ACP2: variants seen among roughly 807,000 people sequenced by gnomAD.
ACP2 encodes lysosomal acid phosphatase.
Under a neutral mutation model 54.7 loss-of-function variants are expected in ACP2, and 35 were observed. The observed-to-expected ratio is 0.64, with a 90% CI of 0.49 to 0.85. The LOEUF is 0.85. Ranked by LOEUF, ACP2 falls within the 40% of genes least tolerant of loss-of-function variation. The pLI, the probability that ACP2 is intolerant of heterozygous loss-of-function variation, is 0.00. For synonymous variants in ACP2, 210 were observed against 224.4 expected, an observed-to-expected ratio of 0.94 and a Z score of 0.57; for missense variants, 492 against 565.0, an observed-to-expected ratio of 0.87 and a Z score of 1.31.
intron 1 of ACP2, 149 bp from the exon 2 acceptor site, chr11:47,248,282 C>T (rs1453616620): frequency 1.7e-4 from 180 of 1,029,154 alleles, no homozygotes; most frequent in Non-Finnish European, 2.3e-4. Flanking sequence ...GAGTCAGTCA[C>T]TTCTTCCAGA....
At chr11:47,240,606 G>A (rs1273793684) in intron 10 of ACP2, among the ~76,000 whole-genome samples, 7 of 152,142 alleles carry the variant, frequency 4.6e-5, no homozygotes, top group African/African-American at 1.7e-4. Flanking sequence ...GATCACCTGA[G>A]GTCAAGAGTT....
At chr11:47,240,299 G>A (rs748958898) in intron 10 of ACP2, 50 bp from the exon 11 acceptor site, 7 of 918,038 alleles carry the variant, frequency 7.6e-6, no homozygotes, top group East Asian at 2.4e-5. Flanking sequence ...TCCATCATAT[G>A]CCAGCTACTG....
rs1439017105 is a variant in ACP2, at chr11:47,240,062, C to T, written c.*54G>A. ...GCTGGGGAGCAGCAACAGTCAGGAG[C>T]GAGGGCCCAGCCCACCTCCCCTAGG... On this transcript the variant is annotated 3_prime_UTR_variant, in exon 11 of 11. Coordinates refer to ENST00000672073, the MANE Select transcript of ACP2 (RefSeq NM_001610.4). 3.2e-6 allele frequency: 5 copies of T among 1,565,482 alleles called. No homozygotes were observed. Among genetic ancestry groups the T allele is most frequent in the South Asian group, 2.4e-5 (2 of 84,308 alleles).
Position 47,242,908 on chromosome 11 carries a change from G to A in ACP2, c.963-10C>T, listed in dbSNP as rs370368031. On this transcript the variant is annotated splice_polypyrimidine_tract_variant and intron_variant, in intron 9 of 10. Transcript: ENST00000672073. The stretch of plus-strand genomic sequence containing the variant: ...CTCCACTGAGAAATTCCTGAGGGTC[G>A]ACAGGAGGCAACATGGGAGCTGCTC... 3.0e-5 allele frequency: 48 copies of A among 1,609,294 alleles called. No homozygotes were observed. The highest frequency in any genetic ancestry group is 2.3e-4 in the African/African-American group (17 of 74,982).
intron 6 of ACP2, 135 bp from the exon 7 acceptor site, chr11:47,245,002 G>T: frequency 7.0e-7 from 1 of 1,437,354 alleles, no homozygotes; most frequent in Non-Finnish European, 9.2e-7. Flanking sequence ...GCTGGAACCA[G>T]TAGACATGGC....
intron 10 of ACP2, 143 bp from the exon 11 acceptor site, chr11:47,240,392 A>G (rs1953841467): frequency 3.4e-6 from 2 of 588,382 alleles, no homozygotes; most frequent in Non-Finnish European, 6.2e-6. Flanking sequence ...GAGGGGATGT[A>G]ATAAATAAGC....
In ACP2 at chr11:47,245,489, C is replaced by T. The variant is rs1256600737; in HGVS notation, c.534G>A (p.Glu178=). The T allele has an allele frequency of 2.5e-6, 4 of 1,614,260 alleles. No homozygotes were observed. The South Asian group carries it at 4.4e-5, about 18-fold the overall frequency. The change falls in exon 5 of 11, where the codon GAG becomes GAA. Residue 178 remains glutamate (E), a synonymous_variant. Coordinates refer to ENST00000672073, the MANE Select transcript of ACP2 (RefSeq NM_001610.4). The part of the protein sequence containing the change: ...ETRQTPEYQN[E]SSRNAQFLDM... Reference sequence around the variant, plus strand: ...CCCCACTCACTGCATTCCGAGAACTCTCATTCTGATACTCTGGTGTCTGCC... The same window carrying T: ...CCCCACTCACTGCATTCCGAGAACTTTCATTCTGATACTCTGGTGTCTGCC...
At position 47,247,641 on chromosome 11, in the gene ACP2, C is replaced by T. The variant is rs1197613371; in HGVS notation, c.297G>A (p.Glu99=). 2 of 1,614,124 alleles carry T rather than the reference C, an allele frequency of 1.2e-6. No individual in the cohort carries two copies. The highest frequency in any genetic ancestry group is 1.3e-5 in the African/African-American group (1 of 74,940). The part of the protein sequence containing the change: ...GFLNTSYHRQ[E]VYVRSTDFDR... Reference sequence around the variant, plus strand: ...TTGCCTCTGGAGCTCCCAACCTTACCTCTTGCCGGTGATAAGAGGTGTTTA... The same window carrying T: ...TTGCCTCTGGAGCTCCCAACCTTACTTCTTGCCGGTGATAAGAGGTGTTTA... Residue 99 remains glutamate, a splice_region_variant and synonymous_variant, in exon 3 of 11, where the codon GAG becomes GAA. Transcript: ENST00000672073.
chr11:47,244,672 C>G, intron 7 of ACP2, 63 bp downstream of exon 7: 2 of 1,356,766 alleles, frequency 1.5e-6, no homozygotes, highest in Middle Eastern at 1.9e-4. Context: ...GAAGCCCCCA[C>G]AGCAGATTTT....
chr11:47,243,445 G>C, intron 7 of ACP2, 124 bp from the exon 8 acceptor site: 1 of 716,010 alleles, frequency 1.4e-6, no homozygotes, highest in Non-Finnish European at 2.3e-6. Context: ...GAACTCTTTA[G>C]TGTCATAGGG....
At chr11:47,244,534 T>A (rs1953982826) in intron 7 of ACP2, among the ~76,000 whole-genome samples, 2 of 152,028 alleles carry the variant, frequency 1.3e-5, no homozygotes, top group African/African-American at 4.8e-5. Flanking sequence ...AAAATAACAA[T>A]TTTTTTAAAA....
At chr11:47,248,184 G>C in intron 1 of ACP2, 51 bp from the exon 2 acceptor site, 1 of 1,500,540 alleles carries the variant, frequency 6.7e-7, no homozygotes. Flanking sequence ...CCCTTGATAG[G>C]GACCCAGAGC....
chr11:47,247,653 A>G lies in ACP2; in HGVS notation c.285T>C (p.Tyr95=), dbSNP rs1954221412. The change falls in exon 3 of 11, where the codon TAT becomes TAC. Residue 95 remains tyrosine (Y), a synonymous_variant. Coordinates refer to ENST00000672073, the MANE Select transcript of ACP2 (RefSeq NM_001610.4). ...CTCCCAACCTTACCTCTTGCCGGTG[A>G]TAAGAGGTGTTTAGGAAGCCGTGAT... ...QRYHGFLNTS[Y]HRQEVYVRST... is the part of the protein sequence containing the mutation. The G allele has an allele frequency of 6.2e-7, 1 of 1,614,090 alleles. No homozygotes were observed. The highest frequency in any genetic ancestry group is 1.3e-5 in the African/African-American group (1 of 74,936).
At chr11:47,245,872 G>GTT in intron 3 of ACP2, 38 bp from the exon 4 acceptor site, 1 of 1,525,728 alleles carries the variant, frequency 6.6e-7, no homozygotes, top group Non-Finnish European at 8.8e-7. Context: ...GTGTGTGTGT[G>GTT]TGTGTGTGTG....
chr11:47,244,947 G>A (rs1251623837), intron 6 of ACP2, 80 bp from the exon 7 acceptor site: 2 of 1,491,042 alleles, frequency 1.3e-6, no homozygotes, highest in Non-Finnish European at 1.8e-6. Context: ...CTAGTGGGAA[G>A]GTGCCTGTGT....
intron 3 of ACP2, among the ~76,000 whole-genome samples, chr11:47,247,101 C>T (rs1954151805): frequency 6.6e-6 from 1 of 152,130 alleles, no homozygotes; most frequent in Non-Finnish European, 1.5e-5. Flanking sequence ...ACTCACCAGT[C>T]CTCCCTGATG....
rs1953815370 is a variant in ACP2, at chr11:47,239,580, G to A, written c.*536C>T. ...TGAAGCATTCTGTCTGAGTCTAATG[G>A]TGGCTCTAGCCAGACACAGGGAAAT... is the stretch of plus-strand genomic sequence containing the variant. On this transcript the variant is annotated 3_prime_UTR_variant, in exon 11 of 11. Transcript: ENST00000672073. The A allele has an allele frequency of 6.4e-6, 1 of 155,776 alleles. No individual in the cohort carries two copies. Among genetic ancestry groups the A allele is most frequent in the Admixed American group, 6.3e-5 (1 of 15,978 alleles). 9.6% of individuals were successfully genotyped at this position (155,776 alleles called of 1,614,324 possible). A position where few individuals can be genotyped will look rare whatever the true frequency, so the allele number is the denominator to read the frequency against.
At chr11:47,243,716 G>A (rs1330724913) in intron 7 of ACP2, among the ~76,000 whole-genome samples, 10 of 152,174 alleles carry the variant, frequency 6.6e-5, no homozygotes, top group Admixed American at 5.2e-4. Context: ...ATGCCCTTAG[G>A]TGCTCAAATA....
intron 10 of ACP2, 78 bp from the exon 11 acceptor site, chr11:47,240,327 T>C: frequency 1.3e-6 from 1 of 753,668 alleles, no homozygotes; most frequent in Non-Finnish European, 2.4e-6. Context: ...ATATAGGAGA[T>C]ACACAGAGGT....
Sources: allele counts gnomAD v4.1 joint callset (sites outside exome capture counted in the v4.1 genomes callset), GRCh38; gene constraint gnomAD v4.1.1; transcripts MANE v1.5; gene names NCBI Gene and HGNC (gene_info 2026-07-23, HGNC 2026-07-21).